FHIT: variants seen among roughly 807,000 people sequenced by gnomAD.
The protein encoded by FHIT is bis(5'-adenosyl)-triphosphatase.
FHIT carries 19 observed loss-of-function variants against 17.9 expected under a neutral mutation model. That is an observed-to-expected ratio of 1.06 (90% CI 0.74 to 1.56). The LOEUF (loss-of-function observed/expected upper bound fraction) is 1.56. FHIT is among the 40% of genes most tolerant of loss of function. The pLI, the probability that FHIT is intolerant of heterozygous loss-of-function variation, is 0.00. For synonymous variants in FHIT, 81 were observed against 69.7 expected, an observed-to-expected ratio of 1.16 and a Z score of -0.81; for missense variants, 248 against 189.2, an observed-to-expected ratio of 1.31 and a Z score of -1.82.
intron 4 of FHIT, among the ~76,000 whole-genome samples, chr3:60,729,437 T>C (rs1553710568): frequency 6.6e-6 from 1 of 152,146 alleles, no homozygotes; most frequent in African/African-American, 2.4e-5. Flanking sequence ...TAAGGTACAA[T>C]GTAAAATGTA....
intron 7 of FHIT, among the ~76,000 whole-genome samples, chr3:60,010,288 T>C (rs1700090378): frequency 6.6e-6 from 1 of 152,232 alleles, no homozygotes; most frequent in South Asian, 2.1e-4. Context: ...AAAGCCTCTG[T>C]GTCTATCACC....
chr3:60,861,507 G>C (rs1378314863), intron 3 of FHIT, among the ~76,000 whole-genome samples: 2 of 151,352 alleles, frequency 1.3e-5, no homozygotes, highest in South Asian at 2.1e-4. Flanking sequence ...AATGTCTCCT[G>C]ACATTGCCAA....
At chr3:61,034,904 A>G (rs72875914) in intron 3 of FHIT, among the ~76,000 whole-genome samples, 175 of 152,334 alleles carry the variant, frequency 1.1e-3, no homozygotes, top group African/African-American at 3.9e-3. Flanking sequence ...ACACCCATCA[A>G]TGAATCAAAG....
At chr3:60,861,144 A>G (rs1211218314) in intron 3 of FHIT, among the ~76,000 whole-genome samples, 2 of 36,282 alleles carry the variant, frequency 5.5e-5, no homozygotes, top group Non-Finnish European at 9.4e-5. Flanking sequence ...ATATGTATAT[A>G]TGATCTATAT....
At chr3:59,895,037 G>C (rs1360444101) in intron 8 of FHIT, among the ~76,000 whole-genome samples, 1 of 152,172 alleles carries the variant, frequency 6.6e-6, no homozygotes, top group Non-Finnish European at 1.5e-5. Context: ...TGTCCCACAG[G>C]GGACATTTGA....
chr3:60,853,678 G>A (rs1703247467), intron 3 of FHIT, among the ~76,000 whole-genome samples: 1 of 152,112 alleles, frequency 6.6e-6, no homozygotes, highest in Admixed American at 6.6e-5. Context: ...TAAAGTGCCA[G>A]CTGACTTAAT....
At chr3:61,069,349 A>G (rs1378117740) in intron 2 of FHIT, among the ~76,000 whole-genome samples, 1 of 152,164 alleles carries the variant, frequency 6.6e-6, no homozygotes, top group Non-Finnish European at 1.5e-5. Context: ...AGGAGCTTTA[A>G]AAAGCGCTGA....
chr3:60,906,730 T>C (rs782249088), intron 3 of FHIT, among the ~76,000 whole-genome samples: 4 of 152,226 alleles, frequency 2.6e-5, no homozygotes, highest in Non-Finnish European at 4.4e-5. Flanking sequence ...TATAGTTATA[T>C]CATTTTGTGG....
rs555416529 is a variant in FHIT, at chr3:60,953,622, A to G, written c.-111+88425T>C. On this transcript the variant is annotated intron_variant, in intron 3 of 9. Transcript: ENST00000492590. ...GCTAAATTTAGCTCCTGTTGTGCCA[A>G]TTGAAAAATGCCAACATCCCTTCCC... 2.6e-5 allele frequency among the ~76,000 whole-genome samples: 4 copies of G among 152,258 alleles called. No homozygotes were observed. In the South Asian group the frequency reaches 6.2e-4, roughly 24 times the overall value.
chr3:61,228,345 A>G (rs1033680901), intron 1 of FHIT, among the ~76,000 whole-genome samples: 8 of 152,186 alleles, frequency 5.3e-5, no homozygotes, highest in African/African-American at 1.9e-4. Flanking sequence ...ACTCTGTACA[A>G]ACAAACCTTA....
intron 5 of FHIT, among the ~76,000 whole-genome samples, chr3:60,017,062 G>A (rs951678769): frequency 6.6e-6 from 1 of 152,182 alleles, no homozygotes; most frequent in Non-Finnish European, 1.5e-5. Flanking sequence ...TAAAGTTCAT[G>A]TTATTAATGA....
chr3:59,899,196 G>C (rs1704210950), intron 8 of FHIT, among the ~76,000 whole-genome samples: 1 of 152,168 alleles, frequency 6.6e-6, no homozygotes, highest in Non-Finnish European at 1.5e-5. Flanking sequence ...AGAAATAAGA[G>C]CTGACATTAC....
chr3:59,817,784 A>C (rs1700654913), intron 8 of FHIT, among the ~76,000 whole-genome samples: 1 of 152,098 alleles, frequency 6.6e-6, no homozygotes. Flanking sequence ...TCCTTCTTTA[A>C]AAAAAGGGAA....
intron 4 of FHIT, among the ~76,000 whole-genome samples, chr3:60,652,522 A>G (rs1425153563): frequency 1.3e-5 from 2 of 152,128 alleles, no homozygotes; most frequent in Non-Finnish European, 2.9e-5. Flanking sequence ...TCATGAGGTC[A>G]GGATATCGAG....
chr3:60,384,416 T>C (rs983123850), intron 5 of FHIT, among the ~76,000 whole-genome samples: 4 of 152,202 alleles, frequency 2.6e-5, no homozygotes, highest in African/African-American at 9.6e-5. Context: ...TTCTTTGCCT[T>C]TGAGATAATC....
intron 4 of FHIT, among the ~76,000 whole-genome samples, chr3:60,774,540 A>T (rs182698149): frequency 4.5e-4 from 68 of 152,244 alleles, no homozygotes; most frequent in African/African-American, 1.4e-3. Context: ...ACCTCAAGTG[A>T]TCTGCCCACC....
intron 5 of FHIT, among the ~76,000 whole-genome samples, chr3:60,414,356 G>T (rs1416401098): frequency 6.6e-6 from 1 of 152,180 alleles, no homozygotes; most frequent in Non-Finnish European, 1.5e-5. Context: ...GCAGGAGACA[G>T]AAAGGGGCCT....
chr3:60,033,491 T>TC, intron 5 of FHIT, among the ~76,000 whole-genome samples: 1 of 138,318 alleles, frequency 7.2e-6, no homozygotes, highest in East Asian at 2.1e-4. Flanking sequence ...CGAAACTCCA[T>TC]CCCAAAAAAA....
chr3:60,695,143 C>A (rs1436838345), intron 4 of FHIT, among the ~76,000 whole-genome samples: 10 of 152,048 alleles, frequency 6.6e-5, no homozygotes, highest in African/African-American at 2.2e-4. Flanking sequence ...TCTTGTAATC[C>A]CAGCACTATG....
Sources: allele counts gnomAD v4.1 joint callset (sites outside exome capture counted in the v4.1 genomes callset), GRCh38; gene constraint gnomAD v4.1.1; transcripts MANE v1.5; gene names NCBI Gene and HGNC (gene_info 2026-07-23, HGNC 2026-07-21).